Variants in VWA3B observed in about 807,000 individuals in gnomAD.
VWA3B encodes the protein von Willebrand factor A domain containing 3B.
In VWA3B, 138 loss-of-function variants were observed where a neutral mutation model predicts 158.3. That is an observed-to-expected ratio of 0.87 (90% CI 0.76 to 1.00). VWA3B has a LOEUF of 1.00. Ranked by LOEUF, VWA3B falls within the 50% of genes least tolerant of loss-of-function variation. VWA3B has a pLI of 0.00. For missense variants in VWA3B, 1,555 were observed against 1,565.1 expected (o/e 0.99, Z 0.11); for synonymous variants, 596 against 587.3 (o/e 1.01, Z -0.21).
chr2:98,133,657 G>A, intron 6 of VWA3B, 167 bp from the exon 7 acceptor site: 2 of 634,060 alleles, frequency 3.2e-6, no homozygotes, highest in Non-Finnish European at 5.6e-6. Flanking sequence ...CTGCCTCCCT[G>A]TCTTTTGCTT....
intron 7 of VWA3B, among the ~76,000 whole-genome samples, chr2:98,137,673 T>C (rs1029564584): frequency 6.6e-6 from 1 of 152,206 alleles, no homozygotes; most frequent in Non-Finnish European, 1.5e-5. Flanking sequence ...TATTAATACA[T>C]TAAGTTTATT....
chr2:98,298,417 CTATTCTATTCTATTCTATTCTATTCT>C (rs1689959251), intron 24 of VWA3B, among the ~76,000 whole-genome samples: 1 of 151,182 alleles, frequency 6.6e-6, no homozygotes, highest in Non-Finnish European at 1.5e-5. Context: ...CTATTCTATT[CTATTCTATTCTATTCTATTCTATTCT>C]ATGCCATGCC....
chr2:98,277,548 G>A (rs1305394232), intron 22 of VWA3B, among the ~76,000 whole-genome samples: 1 of 152,170 alleles, frequency 6.6e-6, no homozygotes, highest in African/African-American at 2.4e-5. Context: ...ATATTTTTAA[G>A]CTGAAAGCAG....
chr2:98,217,794 T>C, intron 13 of VWA3B, 52 bp from the exon 14 acceptor site: 5 of 1,472,920 alleles, frequency 3.4e-6, no homozygotes, highest in Non-Finnish European at 2.7e-6. Context: ...ATTCTTTTCT[T>C]TCTCTTCTCT....
rs1431179289 is a variant in VWA3B at position 98,093,220 on chromosome 2, A to G, written c.128A>G (p.His43Arg). 3.7e-6 allele frequency: 6 copies of G among 1,614,094 alleles called. No homozygotes were observed. The highest frequency in any genetic ancestry group is 3.3e-5 in the Admixed American group (2 of 60,008). ...TCATCTGAGAAATGGCTTCAACTGC[A>G]TGGGCTTAAGAGCAACAAATTGACC... ...LISSEKWLQL[H>R]GLKSNKLTLK... The change falls in exon 2 of 28, where the codon CAT becomes CGT. Residue 43 changes from histidine to arginine, a missense_variant. By Grantham distance (29) the His-to-Arg change is conservative. Coordinates refer to ENST00000477737, the MANE Select transcript of VWA3B (RefSeq NM_144992.5).
At chr2:98,105,358 G>A (rs915120801) in intron 2 of VWA3B, among the ~76,000 whole-genome samples, 3 of 152,188 alleles carry the variant, frequency 2.0e-5, no homozygotes, top group East Asian at 1.9e-4. Flanking sequence ...GTCATATCTT[G>A]TAAAATAATA....
chr2:98,102,967 T>A (rs1162156359), intron 2 of VWA3B, among the ~76,000 whole-genome samples: 5 of 152,238 alleles, frequency 3.3e-5, no homozygotes, highest in Non-Finnish European at 7.3e-5. Context: ...AGGAATTTCC[T>A]CAACATTCTC....
At chr2:98,202,534 C>CTCCTACT (rs1271266269) in intron 12 of VWA3B, among the ~76,000 whole-genome samples, 1 of 151,160 alleles carries the variant, frequency 6.6e-6, no homozygotes, top group Non-Finnish European at 1.5e-5. Flanking sequence ...TATTTTTCTC[C>CTCCTACT]TCCTACTTGC....
At chr2:98,275,460 C>T (rs1395877575) in intron 22 of VWA3B, among the ~76,000 whole-genome samples, 1 of 150,236 alleles carries the variant, frequency 6.7e-6, no homozygotes, top group Non-Finnish European at 1.5e-5. Context: ...GGATGAGGCC[C>T]GGGGTAGAGA....
chr2:98,169,715 CTGTGTG>C (rs61535424), intron 8 of VWA3B, among the ~76,000 whole-genome samples: 7,230 of 134,210 alleles, frequency 0.054, 259 homozygotes, highest in Middle Eastern at 0.11. Context: ...CCTGGGCATT[CTGTGTG>C]TGTGTGTGTG....
chr2:98,088,217 C>T (rs946313465), intron 1 of VWA3B, among the ~76,000 whole-genome samples: 1 of 152,192 alleles, frequency 6.6e-6, no homozygotes, highest in African/African-American at 2.4e-5. Flanking sequence ...CCACCTAGCC[C>T]AGACTTCTTT....
chr2:98,183,461 A>G (rs1680762198), intron 9 of VWA3B, among the ~76,000 whole-genome samples: 1 of 152,190 alleles, frequency 6.6e-6, no homozygotes, highest in Admixed American at 6.5e-5. Flanking sequence ...AAAAGGCCTT[A>G]TTATGTAGCA....
chr2:98,090,092 A>C (rs1210329124), intron 1 of VWA3B, among the ~76,000 whole-genome samples: 1 of 152,194 alleles, frequency 6.6e-6, no homozygotes, highest in African/African-American at 2.4e-5. Context: ...GGTGTGTTTC[A>C]GGGAAGAGAA....
chr2:98,208,218 T>C (rs1683181338), intron 12 of VWA3B, among the ~76,000 whole-genome samples: 1 of 152,144 alleles, frequency 6.6e-6, no homozygotes, highest in Non-Finnish European at 1.5e-5. Flanking sequence ...AATACGTTTT[T>C]TCCATCCTTT....
rs535188880 is a variant in VWA3B, at chr2:98,243,889, C to T, written c.2674-6429C>T. Among the ~76,000 whole-genome samples the T allele has an allele frequency of 3.3e-5, 5 of 152,280 alleles. No homozygotes were observed. In the South Asian group the frequency reaches 1.0e-3, roughly 32 times the overall value. On this transcript the variant is annotated intron_variant, in intron 19 of 27. Transcript: ENST00000477737. ...TTCCATTACACACATCCAATCAGAA[C>T]CTCTCCTTGGCCAATCTGGTAGGAA...
intron 7 of VWA3B, among the ~76,000 whole-genome samples, chr2:98,139,859 C>G (rs1002835436): frequency 6.6e-6 from 1 of 152,194 alleles, no homozygotes; most frequent in Admixed American, 6.5e-5. Context: ...TCCCCTCAGG[C>G]TGTGGAAGCT....
At chr2:98,204,639 C>T (rs6743279) in intron 12 of VWA3B, among the ~76,000 whole-genome samples, 121,580 of 152,174 alleles carry the variant, frequency 0.8, 48,885 homozygotes, top group South Asian at 0.89. Context: ...CTTTTGTGTC[C>T]AGGTTCATGA....
chr2:98,126,667 G>A (rs2084713), intron 5 of VWA3B, among the ~76,000 whole-genome samples: 44,690 of 152,062 alleles, frequency 0.29, 8,585 homozygotes, highest in South Asian at 0.61. Context: ...GTTTTTTCTC[G>A]CTTCCAGTTT....
intron 10 of VWA3B, among the ~76,000 whole-genome samples, chr2:98,191,899 C>T (rs1266349536): frequency 6.6e-6 from 1 of 152,196 alleles, no homozygotes; most frequent in Non-Finnish European, 1.5e-5. Flanking sequence ...GAGCTCAATT[C>T]AAATATTTTT....
Sources: allele counts gnomAD v4.1 joint callset (sites outside exome capture counted in the v4.1 genomes callset), GRCh38; gene constraint gnomAD v4.1.1; transcripts MANE v1.5; gene names NCBI Gene and HGNC (gene_info 2026-07-23, HGNC 2026-07-21).